Variants in ZBTB25 observed in about 807,000 individuals in gnomAD.
The protein encoded by ZBTB25 is zinc finger and BTB domain-containing protein 25.
In ZBTB25, 20 loss-of-function variants were observed where a neutral mutation model predicts 34.2. The observed-to-expected ratio is 0.58, with a 90% CI of 0.41 to 0.85. The LOEUF (loss-of-function observed/expected upper bound fraction) is 0.85, where lower values mean the gene tolerates loss of function less well. Among genes scored for constraint, ZBTB25 ranks in the 40% least tolerant of loss-of-function variants. The pLI is 0.00. For missense variants in ZBTB25, 437 were observed against 521.8 expected (o/e 0.84, Z 1.58); for synonymous variants, 175 against 186.4 (o/e 0.94, Z 0.50).
Position 64,485,632 on chromosome 14 carries a change from A to T in ZBTB25, c.*1291T>A, listed in dbSNP as rs2078850159. On this transcript the variant is annotated 3_prime_UTR_variant, in exon 3 of 3. Coordinates refer to ENST00000608382, the MANE Select transcript of ZBTB25 (RefSeq NM_006977.5). ...TCTTAAATGTAGTTATAGAACACTG[A>T]ATGTATCCACTTTGCTGGTTTTATG... 1 of 985,324 alleles carries T rather than the reference A, an allele frequency of 1.0e-6. No individual in the cohort carries two copies. The highest frequency in any genetic ancestry group is 1.2e-6 in the Non-Finnish European group (1 of 829,934). The allele number at this position is 985,324 out of a possible 1,614,324, so 61.0% of individuals were successfully genotyped here.
intron 1 of ZBTB25, chr14:64,499,441 C>T (rs1345418826): frequency 6.6e-6 from 1 of 152,142 alleles, no homozygotes; most frequent in East Asian, 1.9e-4. Flanking sequence ...TGGCACATAC[C>T]TATAATCCCG....
intron 2 of ZBTB25, among the ~76,000 whole-genome samples, chr14:64,450,961 A>C (rs948833972): frequency 1.3e-5 from 2 of 152,148 alleles, no homozygotes; most frequent in East Asian, 3.9e-4. Context: ...TAAGGTCAAG[A>C]GTTGGAGACC....
At chr14:64,461,572 CCTTT>C (rs2078555327) in intron 2 of ZBTB25, 1 of 85,252 alleles carries the variant, frequency 1.2e-5, no homozygotes, top group Admixed American at 1.1e-4. Context: ...CTTTTTTTTT[CCTTT>C]TTTTTTTTTT....
chr14:64,455,195 A>G (rs1453249771), intron 2 of ZBTB25: 1 of 372,220 alleles, frequency 2.7e-6, no homozygotes, highest in African/African-American at 2.1e-5. Flanking sequence ...TGCTAACATA[A>G]TCACAGTTAA....
chr14:64,501,783 C>G (rs2079506949), intron 1 of ZBTB25, among the ~76,000 whole-genome samples: 1 of 152,198 alleles, frequency 6.6e-6, no homozygotes, highest in Non-Finnish European at 1.5e-5. Flanking sequence ...TCCTCCCCAG[C>G]TAGACAGCCT....
In ZBTB25 at chr14:64,468,430, C is replaced by G. The variant is rs61755983; in HGVS notation, c.174-18792G>C. 8.4e-4 allele frequency: 1,345 copies of G among 1,605,940 alleles called. 7 individuals carry two copies. The highest frequency in any genetic ancestry group is 4.7e-3 in the Middle Eastern group (28 of 6,004). On this transcript the variant is annotated intron_variant, in intron 2 of 2. Coordinates refer to the ZBTB25 transcript ENST00000555220. ...CAATTTCAGAAATTCATGTAGAAAA[C>G]AAGGATGAGAAGAGATCAGCAGAAG...
chr14:64,484,845 T>C lies in ZBTB25; in HGVS notation c.*2078A>G, dbSNP rs2078841442. ...TACAAAAAATCAATGTTAATACTTG[T>C]GTTCTTCCAATGAGATGATATTTTT... On this transcript the variant is annotated 3_prime_UTR_variant, in exon 3 of 3. Coordinates refer to ENST00000608382, the MANE Select transcript of ZBTB25 (RefSeq NM_006977.5). 2 of 205,050 alleles carry C rather than the reference T, an allele frequency of 9.8e-6. No individual in the cohort carries two copies. Among genetic ancestry groups the C allele is most frequent in the Non-Finnish European group, 1.7e-5 (2 of 116,402 alleles). 12.7% of individuals were successfully genotyped at this position (205,050 alleles called of 1,614,324 possible).
chr14:64,472,053 G>C (rs2078678480), intron 2 of ZBTB25: 2 of 166,550 alleles, frequency 1.2e-5, no homozygotes, highest in African/African-American at 4.8e-5. Context: ...TCCTGAGCAA[G>C]ATGAAAAGTG....
chr14:64,469,800 A>G (rs944415947), intron 2 of ZBTB25: 4 of 723,550 alleles, frequency 5.5e-6, no homozygotes, highest in Non-Finnish European at 8.8e-6. Context: ...AAAAGGTACA[A>G]TTCCAGCGCA....
chr14:64,473,756 T>A (rs1282271331), downstream of ZBTB25: 1 of 167,028 alleles, frequency 6.0e-6, no homozygotes, highest in East Asian at 1.9e-4. Flanking sequence ...GGATTTGATT[T>A]TTCTGCCTGC....
At chr14:64,451,901 T>C (rs1006416200) in intron 2 of ZBTB25, among the ~76,000 whole-genome samples, 3 of 152,262 alleles carry the variant, frequency 2.0e-5, no homozygotes, top group Non-Finnish European at 4.4e-5. Flanking sequence ...TTATTGAATG[T>C]TCACTTTATT....
chr14:64,449,588 C>T (rs981830328), exon 3 of ZBTB25: 4 of 1,614,066 alleles, frequency 2.5e-6, no homozygotes, highest in Admixed American at 1.7e-5. Flanking sequence ...GCAGCACAAG[C>T]ACCCAGCAGC....
intron 1 of ZBTB25, among the ~76,000 whole-genome samples, chr14:64,498,143 T>C (rs1194370743): frequency 1.3e-5 from 2 of 152,182 alleles, no homozygotes; most frequent in Admixed American, 6.5e-5. Context: ...CATTTAATTA[T>C]GTAGAGAATG....
At chr14:64,454,988 A>G in intron 2 of ZBTB25, 1 of 1,121,090 alleles carries the variant, frequency 8.9e-7, no homozygotes, top group Non-Finnish European at 1.4e-6. Context: ...CCAGAAGAAA[A>G]TTGGAATCGG....
upstream of ZBTB25, among the ~76,000 whole-genome samples, chr14:64,504,274 G>C (rs1366391099): frequency 6.6e-6 from 1 of 151,930 alleles, no homozygotes; most frequent in South Asian, 2.1e-4. Context: ...GGGGGCGCGG[G>C]GACTGGGCGA....
chr14:64,475,814 A>G (rs1319665100), downstream of ZBTB25, among the ~76,000 whole-genome samples: 1 of 152,200 alleles, frequency 6.6e-6, no homozygotes, highest in Non-Finnish European at 1.5e-5. Context: ...CTGTCTCCGT[A>G]AACTCCAGCC....
chr14:64,468,591 C>G, intron 2 of ZBTB25: 1 of 1,613,910 alleles, frequency 6.2e-7, no homozygotes, highest in South Asian at 1.1e-5. Flanking sequence ...CCACAAGAAG[C>G]AGGAGCTTCT....
intron 2 of ZBTB25, chr14:64,471,710 TG>T (rs33929958): frequency 0.18 from 29,364 of 166,984 alleles, 2,934 homozygotes; most frequent in Non-Finnish European, 0.22. Context: ...TTGAAACAGA[TG>T]AAGTAATAAA....
intron 2 of ZBTB25, chr14:64,454,786 C>G: frequency 6.2e-7 from 1 of 1,614,048 alleles, no homozygotes; most frequent in Non-Finnish European, 8.5e-7. Context: ...CAACCCAGAG[C>G]AAAAAGGTGT....
Sources: gnomAD v4.1 joint callset for allele counts (sites outside exome capture counted in the v4.1 genomes callset) on GRCh38, gnomAD v4.1.1 for gene constraint, MANE v1.5 for transcripts, NCBI Gene and HGNC (gene_info 2026-07-23, HGNC 2026-07-21) for gene names.